PHLPP1: variants seen among roughly 807,000 people sequenced by gnomAD.
The protein encoded by PHLPP1 is PH domain leucine-rich repeat-containing protein phosphatase 1.
In PHLPP1, 42 loss-of-function variants were observed where a neutral mutation model predicts 117.2. The observed-to-expected ratio is 0.36, with a 90% confidence interval of 0.28 to 0.46. PHLPP1 has a LOEUF of 0.46. Among genes scored for constraint, PHLPP1 ranks in the 20% least tolerant of loss-of-function variants. The pLI, the probability that PHLPP1 is intolerant of heterozygous loss-of-function variation, is 1.00. For missense variants in PHLPP1, 2,084 were observed against 2,241.9 expected (o/e 0.93, Z 1.42); for synonymous variants, 1,042 against 970.7 (o/e 1.07, Z -1.37).
intron 4 of PHLPP1, among the ~76,000 whole-genome samples, chr18:62,864,459 A>G (rs62098645): frequency 0.067 from 10,212 of 152,272 alleles, 465 homozygotes; most frequent in Non-Finnish European, 0.1. Context: ...TTCAAGGTAG[A>G]GAGGAGGTCA....
intron 1 of PHLPP1, among the ~76,000 whole-genome samples, chr18:62,822,265 G>GTTTTTTTTTGTTTTGTTTTTTT: frequency 8.6e-6 from 1 of 116,180 alleles, no homozygotes. Flanking sequence ...AGAAAATAGT[G>GTTTTTTTTTGTTTTGTTTTTTT]TTTTTTTTTT....
At chr18:62,821,903 CG>C (rs1568127837) in intron 1 of PHLPP1, among the ~76,000 whole-genome samples, 1 of 151,848 alleles carries the variant, frequency 6.6e-6, no homozygotes, top group African/African-American at 2.4e-5. Flanking sequence ...GGATTACAGG[CG>C]CATGCCACTA....
chr18:62,818,359 C>G (rs769172192), intron 1 of PHLPP1, among the ~76,000 whole-genome samples: 1 of 151,894 alleles, frequency 6.6e-6, no homozygotes. Context: ...GGCGAAACCC[C>G]GTCTCTACTA....
chr18:62,852,833 C>T (rs1370622886), intron 3 of PHLPP1, among the ~76,000 whole-genome samples: 2 of 152,162 alleles, frequency 1.3e-5, no homozygotes, highest in Non-Finnish European at 2.9e-5. Flanking sequence ...TTTCCCTTGC[C>T]TGTGAAAGAC....
chr18:62,838,459 A>G (rs1308239123), intron 2 of PHLPP1: 1 of 189,352 alleles, frequency 5.3e-6, no homozygotes. Context: ...AATCTTAAGT[A>G]AAAATTCTAA....
At chr18:62,717,567 G>T (rs1397911595) in intron 1 of PHLPP1, among the ~76,000 whole-genome samples, 2 of 152,164 alleles carry the variant, frequency 1.3e-5, no homozygotes, top group African/African-American at 4.8e-5. Flanking sequence ...CCATAAAGGT[G>T]CTTCCTCAGG....
chr18:62,953,325 A>G (rs1910518259), intron 12 of PHLPP1, among the ~76,000 whole-genome samples: 1 of 152,166 alleles, frequency 6.6e-6, no homozygotes, highest in Admixed American at 6.5e-5. Context: ...AGCCTCAGCA[A>G]CTGCTCATAG....
chr18:62,953,462 C>A (rs928479287), intron 12 of PHLPP1, among the ~76,000 whole-genome samples: 1 of 152,216 alleles, frequency 6.6e-6, no homozygotes, highest in Non-Finnish European at 1.5e-5. Flanking sequence ...CAAAAATCTT[C>A]TCTGGAAAGG....
intron 1 of PHLPP1, among the ~76,000 whole-genome samples, chr18:62,766,476 T>C (rs1026957798): frequency 2.0e-5 from 3 of 152,026 alleles, no homozygotes; most frequent in African/African-American, 7.2e-5. Flanking sequence ...AGATCTTGCA[T>C]TCTGCTGTGC....
At chr18:62,824,269 A>AT (rs1914548112) in intron 1 of PHLPP1, 1 of 446,010 alleles carries the variant, frequency 2.2e-6, no homozygotes, top group Non-Finnish European at 4.5e-6. Context: ...ATTTGTCTAT[A>AT]CCAAGACTTG....
At chr18:62,922,222 C>T (rs1909494589) in intron 10 of PHLPP1, among the ~76,000 whole-genome samples, 2 of 152,116 alleles carry the variant, frequency 1.3e-5, no homozygotes, top group South Asian at 4.1e-4. Flanking sequence ...TTGCAACCTC[C>T]ACCTCCTGGG....
intron 1 of PHLPP1, among the ~76,000 whole-genome samples, chr18:62,758,598 C>T (rs1320068140): frequency 1.3e-5 from 2 of 152,184 alleles, no homozygotes; most frequent in Non-Finnish European, 2.9e-5. Context: ...TAACTAGGTA[C>T]TGTTGAGTGG....
intron 3 of PHLPP1, chr18:62,839,747 T>C (rs1915005067): frequency 6.8e-6 from 1 of 146,528 alleles, no homozygotes. Context: ...TGTATATATA[T>C]AATATAATAT....
intron 1 of PHLPP1, among the ~76,000 whole-genome samples, chr18:62,784,688 G>A (rs988144726): frequency 6.6e-6 from 1 of 152,190 alleles, no homozygotes; most frequent in African/African-American, 2.4e-5. Context: ...GGACTATTTG[G>A]TCATTTCATT....
chr18:62,903,625 G>T (rs185238593), intron 7 of PHLPP1, among the ~76,000 whole-genome samples: 1 of 151,992 alleles, frequency 6.6e-6, no homozygotes, highest in African/African-American at 2.4e-5. Flanking sequence ...TTAGCTGGGC[G>T]TGGTGGTGTA....
At position 62,766,076 on chromosome 18, in the gene PHLPP1, A is replaced by AAAAATATATATAT; in HGVS notation, c.1576+48818_1576+48819insAAATATATATATA. 2.6e-3 allele frequency among the ~76,000 whole-genome samples: 57 copies of AAAAATATATATAT among 21,656 alleles called. 3 individuals are homozygous for AAAAATATATATAT. Among genetic ancestry groups the AAAAATATATATAT allele is most frequent in the South Asian group, 4.6e-3 (2 of 432 alleles). 14.2% of individuals were successfully genotyped at this position (21,656 alleles called of 152,430 possible). On this transcript the variant is annotated intron_variant, in intron 1 of 16. Coordinates refer to ENST00000262719, the MANE Select transcript of PHLPP1 (RefSeq NM_194449.4). Reference sequence around the variant, plus strand: ...ACTCCATCTCAAAAAAAAAAAAAAAAATATATATATATATATATATATATA... The same window carrying AAAAATATATATAT: ...ACTCCATCTCAAAAAAAAAAAAAAAAAAAATATATATATATATATATATATATATATATATATA...
chr18:62,940,830 C>A (rs1910112411), intron 10 of PHLPP1, among the ~76,000 whole-genome samples: 1 of 152,170 alleles, frequency 6.6e-6, no homozygotes, highest in South Asian at 2.1e-4. Context: ...ACTTGTGTAA[C>A]CAGCACCTGG....
chr18:62,855,914 T>A (rs1434689593), intron 3 of PHLPP1, among the ~76,000 whole-genome samples: 7 of 152,336 alleles, frequency 4.6e-5, no homozygotes, highest in African/African-American at 1.2e-4. Context: ...TCCAGCAAGA[T>A]GTTTTGAGGG....
chr18:62,766,458 T>C (rs148946999), intron 1 of PHLPP1, among the ~76,000 whole-genome samples: 1 of 152,152 alleles, frequency 6.6e-6, no homozygotes, highest in Non-Finnish European at 1.5e-5. Context: ...AGCTCATTCC[T>C]TTCCTACAGA....
Sources: allele counts gnomAD v4.1 joint callset (sites outside exome capture counted in the v4.1 genomes callset), GRCh38; gene constraint gnomAD v4.1.1; transcripts MANE v1.5; gene names NCBI Gene and HGNC (gene_info 2026-07-23, HGNC 2026-07-21).